Variants in GRIK2 observed in about 807,000 individuals in gnomAD.
The protein encoded by GRIK2 is glutamate receptor ionotropic, kainate 2.
In GRIK2, 32 loss-of-function variants were observed where a neutral mutation model predicts 100.3. That is an observed-to-expected ratio of 0.32 (90% CI 0.24 to 0.43). The LOEUF (loss-of-function observed/expected upper bound fraction) is 0.43. Among genes scored for constraint, GRIK2 ranks in the 20% least tolerant of loss-of-function variants. GRIK2 has a pLI of 1.00. For missense variants in GRIK2, 843 were observed against 1,114.9 expected (o/e 0.76, Z 3.47); for synonymous variants, 417 against 389.4 (o/e 1.07, Z -0.83).
chr6:101,641,188 C>A (rs1051683883), intron 4 of GRIK2, among the ~76,000 whole-genome samples: 2 of 151,736 alleles, frequency 1.3e-5, no homozygotes, highest in Non-Finnish European at 2.9e-5. Flanking sequence ...TTATAATATC[C>A]ATTTCATATA....
At chr6:101,434,228 GA>G (rs1769590801) in intron 2 of GRIK2, among the ~76,000 whole-genome samples, 2 of 152,208 alleles carry the variant, frequency 1.3e-5, no homozygotes, top group Admixed American at 1.3e-4. Context: ...TGGAGGTGAG[GA>G]AGAGAGGATG....
At chr6:101,795,743 C>T (rs1181460013) in intron 7 of GRIK2, among the ~76,000 whole-genome samples, 1 of 152,188 alleles carries the variant, frequency 6.6e-6, no homozygotes, top group Non-Finnish European at 1.5e-5. Context: ...CAGGGCTGTT[C>T]TCAGGTCCCT....
chr6:101,747,554 G>A (rs1294105003), intron 7 of GRIK2, among the ~76,000 whole-genome samples: 1 of 151,886 alleles, frequency 6.6e-6, no homozygotes, highest in Non-Finnish European at 1.5e-5. Flanking sequence ...CTGAATTTTT[G>A]TATGTTTTGG....
At chr6:101,991,556 C>T (rs1430006253) in intron 14 of GRIK2, among the ~76,000 whole-genome samples, 1 of 150,872 alleles carries the variant, frequency 6.6e-6, no homozygotes, top group South Asian at 2.1e-4. Flanking sequence ...ATATTTTACA[C>T]CTTTAATGTA....
chr6:102,023,268 T>C (rs965590718), intron 14 of GRIK2, among the ~76,000 whole-genome samples: 1 of 151,338 alleles, frequency 6.6e-6, no homozygotes, highest in East Asian at 1.9e-4. Flanking sequence ...GTGGAAAGTA[T>C]GTTAACTAGA....
At chr6:101,968,615 T>C (rs1354435820) in intron 14 of GRIK2, among the ~76,000 whole-genome samples, 1 of 152,022 alleles carries the variant, frequency 6.6e-6, no homozygotes, top group Non-Finnish European at 1.5e-5. Context: ...GATTTGTTTC[T>C]TCACATTGAT....
At chr6:101,522,152 C>A (rs1261504443) in intron 2 of GRIK2, among the ~76,000 whole-genome samples, 16 of 152,096 alleles carry the variant, frequency 1.1e-4, no homozygotes. Flanking sequence ...TACTTACATG[C>A]TTTAGCAGAA....
chr6:101,783,526 G>A (rs1448266207), intron 7 of GRIK2, among the ~76,000 whole-genome samples: 3 of 152,154 alleles, frequency 2.0e-5, no homozygotes, highest in Non-Finnish European at 4.4e-5. Flanking sequence ...TGAAAGTGGG[G>A]TAATGCTATA....
chr6:101,827,871 C>A (rs1251290358), intron 10 of GRIK2, among the ~76,000 whole-genome samples: 3 of 151,756 alleles, frequency 2.0e-5, no homozygotes, highest in Non-Finnish European at 2.9e-5. Context: ...ATTAGAGAGA[C>A]GATTGAGGCA....
At position 101,625,384 on chromosome 6, in the gene GRIK2, TAATA is replaced by T. The variant is rs139402781; in HGVS notation, c.284-963_284-960del. Among the ~76,000 whole-genome samples the T allele has an allele frequency of 4.7e-3, 691 of 147,596 alleles. 2 individuals carry two copies. Among genetic ancestry groups the T allele is most frequent in the African/African-American group, 8.7e-3 (353 of 40,376 alleles). On this transcript the variant is annotated intron_variant, in intron 3 of 16. Transcript: ENST00000369134. ...TGAGACTCTATATCAACAAAATAAA[TAATA>T]AATAAATAAATAAATAAATAAATAA...
At chr6:101,854,950 C>G (rs1323911871) in intron 10 of GRIK2, among the ~76,000 whole-genome samples, 2 of 152,068 alleles carry the variant, frequency 1.3e-5, no homozygotes, top group East Asian at 3.9e-4. Flanking sequence ...AGAGAAGATT[C>G]TCTTTAGATA....
intron 14 of GRIK2, among the ~76,000 whole-genome samples, chr6:102,003,558 C>A (rs973464035): frequency 2.0e-5 from 3 of 151,452 alleles, no homozygotes; most frequent in South Asian, 2.1e-4. Context: ...TATTCATATC[C>A]CAAATATATG....
intron 2 of GRIK2, among the ~76,000 whole-genome samples, chr6:101,440,406 A>G (rs1045950267): frequency 3.9e-5 from 6 of 152,210 alleles, no homozygotes; most frequent in African/African-American, 1.4e-4. Context: ...AATCCTGCTG[A>G]GGCACTTGAA....
In GRIK2 at chr6:102,018,522, C is replaced by T. The variant is rs1335022; in HGVS notation, c.2086-16819C>T. Among the ~76,000 whole-genome samples, 41,227 of 151,874 alleles carry T rather than the reference C, an allele frequency of 0.27. 5,987 individuals are homozygous for T. The highest frequency in any genetic ancestry group is 0.34 in the East Asian group (1,735 of 5,130). Reference sequence around the variant, plus strand: ...TCCCCTAGAGTTTATCTTTTAGTTTCCCCCCACTTCTGGCACCCAGCAATT... The same window carrying T: ...TCCCCTAGAGTTTATCTTTTAGTTTTCCCCCACTTCTGGCACCCAGCAATT... On this transcript the variant is annotated intron_variant, in intron 14 of 16. Transcript: ENST00000369134.
chr6:101,428,697 T>C (rs763562138), intron 2 of GRIK2, among the ~76,000 whole-genome samples: 16 of 152,170 alleles, frequency 1.1e-4, no homozygotes, highest in Non-Finnish European at 2.2e-4. Context: ...AAATATGTAA[T>C]GAGAATCTAT....
chr6:101,977,159 A>G (rs193124044), intron 14 of GRIK2, among the ~76,000 whole-genome samples: 2 of 151,500 alleles, frequency 1.3e-5, no homozygotes, highest in Non-Finnish European at 2.9e-5. Flanking sequence ...AGAGGGATTT[A>G]TTATTTTTTT....
At chr6:101,745,498 G>A (rs1325061) in intron 7 of GRIK2, among the ~76,000 whole-genome samples, 24,386 of 152,008 alleles carry the variant, frequency 0.16, 2,385 homozygotes, top group African/African-American at 0.26. Context: ...TGGTATTCTC[G>A]TTGAGATGGA....
chr6:101,840,314 A>G (rs1783412477), intron 10 of GRIK2, among the ~76,000 whole-genome samples: 1 of 152,238 alleles, frequency 6.6e-6, no homozygotes, highest in African/African-American at 2.4e-5. Flanking sequence ...TGAATATGTC[A>G]GATACCTGCA....
rs77912473 is a variant in GRIK2 at position 101,424,020 on chromosome 6, A to G, written c.115+24628A>G. On this transcript the variant is annotated intron_variant, in intron 2 of 16. Transcript: ENST00000369134. The stretch of plus-strand genomic sequence containing the variant: ...AGAGTAAAGATTATAATGATTACTC[A>G]TGAGGATTTGATTTCTCCTATGGAA... Among the ~76,000 whole-genome samples the G allele has an allele frequency of 6.0e-3, 911 of 152,296 alleles. 3 individuals are homozygous for G. Among genetic ancestry groups the G allele is most frequent in the African/African-American group, 0.021 (863 of 41,584 alleles).
Sources: gnomAD v4.1 joint callset for allele counts (sites outside exome capture counted in the v4.1 genomes callset) on GRCh38, gnomAD v4.1.1 for gene constraint, MANE v1.5 for transcripts, NCBI Gene and HGNC (gene_info 2026-07-23, HGNC 2026-07-21) for gene names.